ERBB4: variants seen among roughly 807,000 people sequenced by gnomAD.
The protein encoded by ERBB4 is receptor tyrosine-protein kinase erbB-4.
In ERBB4, 42 loss-of-function variants were observed where a neutral mutation model predicts 158.0. The observed-to-expected ratio is 0.27, with a 90% CI of 0.21 to 0.34. ERBB4 has a LOEUF of 0.34. Among genes scored for constraint, ERBB4 ranks in the 10% least tolerant of loss-of-function variants. The pLI is 1.00. For synonymous variants in ERBB4, 583 were observed against 558.7 expected, an observed-to-expected ratio of 1.04 and a Z score of -0.61; for missense variants, 1,333 against 1,624.1, an observed-to-expected ratio of 0.82 and a Z score of 3.08.
chr2:212,529,845 C>A (rs1003345656), intron 1 of ERBB4, among the ~76,000 whole-genome samples: 2 of 152,050 alleles, frequency 1.3e-5, no homozygotes, highest in Non-Finnish European at 2.9e-5. Context: ...TTAAAAGATT[C>A]AAAAGTTTGG....
chr2:211,946,073 T>TAA (rs143202889), intron 3 of ERBB4, among the ~76,000 whole-genome samples: 1 of 151,842 alleles, frequency 6.6e-6, no homozygotes, highest in East Asian at 1.9e-4. Flanking sequence ...AGCAATTTAG[T>TAA]AAAAAAACTC....
In ERBB4 at chr2:211,709,235, GTA is replaced by G. The variant is rs773229423; in HGVS notation, c.1124+2813_1124+2814del. ...GGTGACTATATATATGCGTGTGTGT[GTA>G]TATATATATATATACACATATATAT... On this transcript the variant is annotated intron_variant, in intron 9 of 27. Transcript: ENST00000342788. Among the ~76,000 whole-genome samples the G allele has an allele frequency of 8.1e-4, 84 of 103,172 alleles. 1 individual carries two copies. Among genetic ancestry groups the G allele is most frequent in the African/African-American group, 2.7e-3 (67 of 24,690 alleles). The allele number at this position is 103,172 out of a possible 152,430, so 67.7% of individuals were successfully genotyped here.
intron 9 of ERBB4, 54 bp downstream of exon 9, chr2:211,711,996 C>G: frequency 1.3e-6 from 2 of 1,489,946 alleles, no homozygotes; most frequent in Non-Finnish European, 9.4e-7. Context: ...TAAAGAATCT[C>G]TTCAGTTTTG....
At chr2:212,083,206 G>A (rs1205367145) in intron 2 of ERBB4, among the ~76,000 whole-genome samples, 2 of 151,942 alleles carry the variant, frequency 1.3e-5, no homozygotes, top group African/African-American at 4.8e-5. Context: ...TGGATAAAGG[G>A]ATGCAGTAAA....
chr2:212,168,343 A>C (rs546674186), intron 1 of ERBB4, among the ~76,000 whole-genome samples: 1 of 152,274 alleles, frequency 6.6e-6, no homozygotes, highest in South Asian at 2.1e-4. Flanking sequence ...CTATGAAATG[A>C]ATGCCAATTT....
chr2:211,761,598 A>T (rs182126730), intron 4 of ERBB4, among the ~76,000 whole-genome samples: 74 of 152,270 alleles, frequency 4.9e-4, no homozygotes, highest in Non-Finnish European at 6.6e-4. Context: ...TCTAATTGGC[A>T]ATTACTTTGA....
chr2:212,519,335 C>T (rs1330923992), intron 1 of ERBB4, among the ~76,000 whole-genome samples: 3 of 151,902 alleles, frequency 2.0e-5, no homozygotes, highest in African/African-American at 7.2e-5. Flanking sequence ...TATAAATACA[C>T]TAAAATTTAA....
chr2:211,418,795 T>A (rs2063450780), intron 25 of ERBB4, among the ~76,000 whole-genome samples: 1 of 152,274 alleles, frequency 6.6e-6, no homozygotes, highest in African/African-American at 2.4e-5. Flanking sequence ...GAGCCTCCTT[T>A]ATACACCTTA....
intron 1 of ERBB4, among the ~76,000 whole-genome samples, chr2:212,239,124 G>C (rs530366565): frequency 4.1e-4 from 62 of 152,300 alleles, no homozygotes; most frequent in Admixed American, 8.5e-4. Flanking sequence ...TTCAGTCATA[G>C]CTCACTGTAG....
intron 2 of ERBB4, among the ~76,000 whole-genome samples, chr2:211,984,241 A>T (rs1015133179): frequency 6.6e-6 from 1 of 152,186 alleles, no homozygotes; most frequent in Non-Finnish European, 1.5e-5. Context: ...TTCAAAGAGT[A>T]GAGCCCTCAT....
intron 20 of ERBB4, among the ~76,000 whole-genome samples, chr2:211,526,934 T>G (rs1476373993): frequency 1.3e-5 from 2 of 151,986 alleles, no homozygotes; most frequent in Non-Finnish European, 2.9e-5. Context: ...CAATAAAGCA[T>G]GCCTACAAGA....
intron 3 of ERBB4, among the ~76,000 whole-genome samples, chr2:211,934,509 A>C (rs2080260188): frequency 6.6e-6 from 1 of 152,086 alleles, no homozygotes; most frequent in African/African-American, 2.4e-5. Context: ...GTCATCTCAT[A>C]GACTTGAGAT....
At chr2:211,975,202 G>C (rs1297527766) in intron 2 of ERBB4, among the ~76,000 whole-genome samples, 1 of 152,046 alleles carries the variant, frequency 6.6e-6, no homozygotes, top group East Asian at 1.9e-4. Flanking sequence ...AGACAATCTT[G>C]AACTCCTGGG....
Position 212,511,878 on chromosome 2 carries a change from C to T in ERBB4, c.82+26571G>A, listed in dbSNP as rs568742564. Among the ~76,000 whole-genome samples the T allele has an allele frequency of 5.9e-5, 9 of 151,934 alleles. No homozygotes were observed. The East Asian group carries it at 1.2e-3, about 20-fold the overall frequency. ...ATTTTGCCTTTTTGGGGATGGCATT[C>T]GTGTCACCATCCAGTACCAAAGGAT... is the stretch of plus-strand genomic sequence containing the variant. On this transcript the variant is annotated intron_variant, in intron 1 of 27. Transcript: ENST00000342788.
At chr2:212,017,841 A>G (rs1260205415) in intron 2 of ERBB4, among the ~76,000 whole-genome samples, 3 of 152,178 alleles carry the variant, frequency 2.0e-5, no homozygotes. Flanking sequence ...TCTAATGAGT[A>G]TTAGCAAAAT....
intron 12 of ERBB4, among the ~76,000 whole-genome samples, chr2:211,692,534 T>C (rs1012957218): frequency 6.6e-6 from 1 of 152,130 alleles, no homozygotes; most frequent in Non-Finnish European, 1.5e-5. Context: ...GCAAGGCTGA[T>C]TGCTTCTGAA....
chr2:211,612,880 G>A (rs1275315898), intron 19 of ERBB4, among the ~76,000 whole-genome samples: 1 of 152,118 alleles, frequency 6.6e-6, no homozygotes, highest in Non-Finnish European at 1.5e-5. Context: ...ATTTACTCTC[G>A]AATTGGAGGT....
At chr2:212,096,419 A>G (rs75234622) in intron 2 of ERBB4, among the ~76,000 whole-genome samples, 2 of 152,144 alleles carry the variant, frequency 1.3e-5, no homozygotes, top group Admixed American at 6.5e-5. Context: ...GTTAAATAAC[A>G]TATCTCATAT....
chr2:212,538,341 G>T, intron 1 of ERBB4, 108 bp downstream of exon 1: 2 of 954,214 alleles, frequency 2.1e-6, no homozygotes, highest in Non-Finnish European at 1.7e-6. Context: ...CCCCGGTCAA[G>T]CGGTCCCTCC....
Sources: allele counts gnomAD v4.1 joint callset (sites outside exome capture counted in the v4.1 genomes callset), GRCh38; gene constraint gnomAD v4.1.1; transcripts MANE v1.5; gene names NCBI Gene and HGNC (gene_info 2026-07-23, HGNC 2026-07-21).